Variants in ACSF3 observed in about 807,000 individuals in gnomAD.
ACSF3 encodes acyl-CoA synthetase family member 3, also known as malonate--CoA ligase ACSF3, mitochondrial.
Under a neutral mutation model 53.2 loss-of-function variants are expected in ACSF3, and 78 were observed. The observed-to-expected ratio is 1.47, with a 90% CI of 1.22 to 1.77. The LOEUF is 1.77. ACSF3 is among the 40% of genes most tolerant of loss of function. The probability of loss-of-function intolerance (pLI) is 0.00; values close to 1 mark genes in which losing one functional copy is unlikely to be tolerated. For missense variants in ACSF3, 937 were observed against 771.1 expected, an observed-to-expected ratio of 1.22 and a Z score of -2.55; for synonymous variants, 414 against 333.1, an observed-to-expected ratio of 1.24 and a Z score of -2.65.
At chr16:89,130,628 G>A (rs538811740) in intron 7 of ACSF3, among the ~76,000 whole-genome samples, 7 of 152,194 alleles carry the variant, frequency 4.6e-5, no homozygotes, top group South Asian at 2.1e-4. Flanking sequence ...CATTGTTTCC[G>A]TGGAGAAATC....
chr16:89,147,933 A>G (rs1048216279), intron 10 of ACSF3: 4 of 152,232 alleles, frequency 2.6e-5, no homozygotes, highest in African/African-American at 9.6e-5. Flanking sequence ...ATGAGCCTGT[A>G]AAATCAAAGA....
At chr16:89,135,356 G>A (rs1910215003) in intron 8 of ACSF3, among the ~76,000 whole-genome samples, 1 of 152,248 alleles carries the variant, frequency 6.6e-6, no homozygotes. Context: ...AGAGGCCCTG[G>A]AGCATGTGCT....
chr16:89,114,557 G>A (rs138347498), intron 6 of ACSF3, 70 bp downstream of exon 6: 99 of 1,595,480 alleles, frequency 6.2e-5, no homozygotes, highest in East Asian at 1.1e-4. Context: ...GGCCAGTCTC[G>A]AACCACCCAC....
intron 4 of ACSF3, among the ~76,000 whole-genome samples, chr16:89,105,625 C>G (rs1468982235): frequency 6.6e-6 from 1 of 152,188 alleles, no homozygotes; most frequent in Non-Finnish European, 1.5e-5. Flanking sequence ...TCAACCTGCC[C>G]CACCTTGGCC....
intron 6 of ACSF3, among the ~76,000 whole-genome samples, chr16:89,118,003 C>T (rs74378880): frequency 0.012 from 582 of 49,746 alleles, no homozygotes; most frequent in Middle Eastern, 0.014. Context: ...GCAGAGCCCA[C>T]AGCAGGTTCC....
intron 5 of ACSF3, among the ~76,000 whole-genome samples, chr16:89,112,657 A>G (rs947164771): frequency 1.3e-5 from 2 of 148,568 alleles, no homozygotes; most frequent in African/African-American, 5.0e-5. Context: ...CTCTTTCTCT[A>G]TCTCTCCTGT....
intron 7 of ACSF3, among the ~76,000 whole-genome samples, chr16:89,126,851 A>G (rs74036125): frequency 0.092 from 14,042 of 152,218 alleles, 722 homozygotes; most frequent in Non-Finnish European, 0.12. Context: ...GGACCTTCTT[A>G]TTTCTGATCT....
chr16:89,109,634 A>T (rs1382358330), intron 4 of ACSF3, among the ~76,000 whole-genome samples: 7 of 149,330 alleles, frequency 4.7e-5, no homozygotes, highest in African/African-American at 1.7e-4. Context: ...CTGGTCTTGA[A>T]CTCCTGACCT....
At chr16:89,144,314 C>T (rs977020620) in intron 8 of ACSF3, among the ~76,000 whole-genome samples, 4 of 152,378 alleles carry the variant, frequency 2.6e-5, no homozygotes, top group Admixed American at 1.3e-4. Flanking sequence ...AGGGCCACGT[C>T]GTGGCTTTGC....
chr16:89,100,992 A>T lies in ACSF3; in HGVS notation c.311A>T (p.Asn104Ile), dbSNP rs1378197369. ...GAGAGGGTCTCCTTCCTATGCGCTAACGATGCCTCCTACGTCGTGGCCCAG... is the reference window on the plus strand; with the variant it reads ...GAGAGGGTCTCCTTCCTATGCGCTATCGATGCCTCCTACGTCGTGGCCCAG... ...REERVSFLCA[N>I]DASYVVAQWA... is the part of the protein sequence containing the mutation. Residue 104 changes from asparagine (N) to isoleucine (I), a missense_variant, in exon 3 of 11, where the codon AAC becomes ATC. By Grantham distance (149) the Asn-to-Ile change is moderately radical (BLOSUM62 -3). Transcript: ENST00000614302. 4.3e-6 allele frequency: 7 copies of T among 1,613,504 alleles called. No individual in the cohort carries two copies. Among genetic ancestry groups the T allele is most frequent in the East Asian group, 2.2e-5 (1 of 44,872 alleles).
intron 7 of ACSF3, among the ~76,000 whole-genome samples, chr16:89,124,379 G>T (rs1354480841): frequency 1.4e-5 from 2 of 143,976 alleles, no homozygotes; most frequent in Non-Finnish European, 3.1e-5. Flanking sequence ...CTGCATGTGT[G>T]TGATACCTGT....
intron 8 of ACSF3, among the ~76,000 whole-genome samples, chr16:89,140,596 C>T (rs1057016243): frequency 5.3e-5 from 8 of 152,184 alleles, no homozygotes; most frequent in Admixed American, 4.6e-4. Context: ...CCTGGGATCG[C>T]GCTTTGGGTG....
intron 3 of ACSF3, among the ~76,000 whole-genome samples, chr16:89,102,183 A>G (rs1975425021): frequency 6.6e-6 from 1 of 152,200 alleles, no homozygotes; most frequent in South Asian, 2.1e-4. Context: ...GCAGGTGACG[A>G]TAATTCACGA....
chr16:89,131,133 T>C lies in ACSF3; in HGVS notation c.1240-2003T>C, dbSNP rs1448650063. 6.1e-4 allele frequency among the ~76,000 whole-genome samples: 78 copies of C among 128,074 alleles called. No individual in the cohort carries two copies. The East Asian group carries it at 6.8e-3, about 11-fold the overall frequency. The allele number at this position is 128,074 out of a possible 152,430, so 84.0% of individuals were successfully genotyped here. On this transcript the variant is annotated intron_variant, in intron 7 of 10. Coordinates refer to ENST00000614302, the MANE Select transcript of ACSF3 (RefSeq NM_001243279.3). Reference sequence around the variant, plus strand: ...TCTTTTTCTTTTTCTTTTTCTTTTTTTTTTTTTTTTTTTTTTTTGAGACAG... The same window carrying C: ...TCTTTTTCTTTTTCTTTTTCTTTTTCTTTTTTTTTTTTTTTTTTGAGACAG...
At chr16:89,150,533 C>G (rs61501852) in intron 10 of ACSF3, 4 of 169,088 alleles carry the variant, frequency 2.4e-5, no homozygotes, top group African/African-American at 9.6e-5. Flanking sequence ...GACACCAGGC[C>G]GCCTGCTCCT....
chr16:89,135,748 C>T (rs1279444675), intron 8 of ACSF3, among the ~76,000 whole-genome samples: 1 of 152,242 alleles, frequency 6.6e-6, no homozygotes, highest in Non-Finnish European at 1.5e-5. Flanking sequence ...CGACCCCAAT[C>T]CGACTCACGC....
At chr16:89,119,103 C>CG (rs1905967487) in intron 6 of ACSF3, among the ~76,000 whole-genome samples, 1 of 151,882 alleles carries the variant, frequency 6.6e-6, no homozygotes. Flanking sequence ...GAAGCTCTCA[C>CG]GGGCGGCACC....
At chr16:89,105,225 A>G (rs1363179365) in intron 4 of ACSF3, among the ~76,000 whole-genome samples, 1 of 152,188 alleles carries the variant, frequency 6.6e-6, no homozygotes, top group East Asian at 1.9e-4. Flanking sequence ...GTCTGTTAAG[A>G]TGGCAGACAC....
chr16:89,150,307 G>A (rs1410478656), intron 10 of ACSF3: 1 of 152,516 alleles, frequency 6.6e-6, no homozygotes, highest in East Asian at 1.9e-4. Context: ...CACATGCCTG[G>A]GCTTGCACAA....
Sources: gnomAD v4.1 joint callset for allele counts (sites outside exome capture counted in the v4.1 genomes callset) on GRCh38, gnomAD v4.1.1 for gene constraint, MANE v1.5 for transcripts, NCBI Gene and HGNC (gene_info 2026-07-23, HGNC 2026-07-21) for gene names.